Variants in ATF2 observed in about 807,000 individuals in gnomAD.
ATF2 encodes the protein activating transcription factor 2, also known as cyclic AMP-dependent transcription factor ATF-2.
In ATF2, 24 loss-of-function variants were observed where a neutral mutation model predicts 60.6. The ratio of observed to expected loss-of-function variants is 0.40; its 90% CI spans 0.29 to 0.56. ATF2 has a LOEUF of 0.56. Among genes scored for constraint, ATF2 ranks in the 20% least tolerant of loss-of-function variants. ATF2 has a pLI of 0.54. For missense variants in ATF2, 433 were observed against 607.7 expected (o/e 0.71, Z 3.02); for synonymous variants, 206 against 215.4 (o/e 0.96, Z 0.38).
intron 1 of ATF2, among the ~76,000 whole-genome samples, chr2:175,153,897 T>C (rs1369312650): frequency 6.7e-6 from 1 of 149,596 alleles, no homozygotes; most frequent in African/African-American, 2.4e-5. Flanking sequence ...AATATTTTCA[T>C]CCTTATTCTA....
rs1407246502 is a variant in ATF2, at chr2:175,072,798, T to A, written c.*1811A>T. On this transcript the variant is annotated 3_prime_UTR_variant, in exon 14 of 14. Transcript: ENST00000264110. ...TTAAAAATTAAAAATTTAAAAAAAA[T>A]TATCAAATAAAAATGCTCTCATTTT... 2 of 152,072 alleles carry A rather than the reference T, an allele frequency of 1.3e-5. No individual in the cohort carries two copies. The highest frequency in any genetic ancestry group is 2.4e-5 in the African/African-American group (1 of 41,426). 9.4% of individuals were successfully genotyped at this position (152,072 alleles called of 1,614,324 possible).
Position 175,118,251 on chromosome 2 carries a change from T to C in ATF2, c.318A>G (p.Lys106=). The stretch of plus-strand genomic sequence containing the variant: ...TTTAAATTTCATGGTTACAACATAC[T>C]TTTTTAATGTCATCTTCTGAAGCTT... ...FKKASEDDIK[K]MPLDLSPLAT... is the part of the protein sequence containing the mutation. The change falls in exon 6 of 14, where the codon AAA becomes AAG. Residue 106 remains lysine (K), a splice_region_variant and synonymous_variant. Coordinates refer to ENST00000264110, the MANE Select transcript of ATF2 (RefSeq NM_001880.4). 1 of 1,604,854 alleles carries C rather than the reference T, an allele frequency of 6.2e-7. No homozygotes were observed. Among genetic ancestry groups the C allele is most frequent in the African/African-American group, 1.3e-5 (1 of 74,458 alleles).
chr2:175,167,680 C>A (rs182717619), intron 1 of ATF2: 99 of 505,378 alleles, frequency 2.0e-4, no homozygotes, highest in Middle Eastern at 9.6e-4. Flanking sequence ...ACTCGACGCG[C>A]GCCCCGAGGA....
At chr2:175,077,407 C>A (rs1223718539) in intron 13 of ATF2, among the ~76,000 whole-genome samples, 1 of 152,162 alleles carries the variant, frequency 6.6e-6, no homozygotes, top group Non-Finnish European at 1.5e-5. Context: ...AGTTTACAGT[C>A]CCACCAACAG....
intron 8 of ATF2, 139 bp from the exon 9 acceptor site, chr2:175,114,247 T>C: frequency 7.1e-7 from 1 of 1,400,048 alleles, no homozygotes; most frequent in Non-Finnish European, 9.2e-7. Flanking sequence ...AATAGCAAAA[T>C]TTAATTATTT....
At chr2:175,111,297 G>C (rs1346560543) in intron 10 of ATF2, among the ~76,000 whole-genome samples, 1 of 152,052 alleles carries the variant, frequency 6.6e-6, no homozygotes, top group Non-Finnish European at 1.5e-5. Flanking sequence ...TTTTCCACTA[G>C]GAGGAGAAAA....
At chr2:175,074,884 T>C in intron 13 of ATF2, 49 bp from the exon 14 acceptor site, 2 of 1,602,532 alleles carry the variant, frequency 1.2e-6, no homozygotes, top group East Asian at 2.2e-5. Flanking sequence ...TCGGTAAGAA[T>C]GCACCAGTAT....
At chr2:175,156,306 G>A (rs1489691855) in intron 1 of ATF2, among the ~76,000 whole-genome samples, 1 of 149,680 alleles carries the variant, frequency 6.7e-6, no homozygotes, top group Non-Finnish European at 1.5e-5. Flanking sequence ...GGGAGGCGGA[G>A]GTTGCAGTGA....
intron 11 of ATF2, among the ~76,000 whole-genome samples, chr2:175,094,426 A>AAAAAAAAAAAAAAAAAG (rs1559059455): frequency 4.9e-5 from 7 of 143,978 alleles, no homozygotes; most frequent in African/African-American, 1.9e-4. Flanking sequence ...AAAAAAAAAA[A>AAAAAAAAAAAAAAAAAG]AAAGAAAGAA....
chr2:175,137,588 TG>T (rs1698226895), intron 2 of ATF2, among the ~76,000 whole-genome samples: 1 of 152,098 alleles, frequency 6.6e-6, no homozygotes, highest in African/African-American at 2.4e-5. Flanking sequence ...AAGAGGAATA[TG>T]GAAGTACAAT....
Position 175,074,114 on chromosome 2 carries a change from T to G in ATF2, c.*495A>C, listed in dbSNP as rs1400272388. 6.6e-6 allele frequency: 1 copy of G among 152,386 alleles called. No homozygotes were observed. The highest frequency in any genetic ancestry group is 1.5e-5 in the Non-Finnish European group (1 of 68,194). 9.4% of individuals were successfully genotyped at this position (152,386 alleles called of 1,614,324 possible). ...ATGTGCAAAATAAAAGGCAAAAAGA[T>G]TAAAAGCAAATTTCTATCTTTCTCT... On this transcript the variant is annotated 3_prime_UTR_variant, in exon 14 of 14. Transcript: ENST00000264110.
intron 12 of ATF2, among the ~76,000 whole-genome samples, chr2:175,085,919 A>C (rs1228205899): frequency 6.6e-6 from 1 of 152,182 alleles, no homozygotes. Flanking sequence ...TTTATTTTTT[A>C]ATTTGTTACT....
chr2:175,115,001 A>G (rs1347783525), intron 7 of ATF2, 133 bp from the exon 8 acceptor site: 3 of 727,538 alleles, frequency 4.1e-6, no homozygotes, highest in Non-Finnish European at 6.0e-6. Flanking sequence ...ATCTCAAATT[A>G]ATTAAAAGAA....
rs936548543 is a variant in ATF2, at chr2:175,114,937, G to A, written c.448-69C>T. ...AATCATGTACCTTAGTGAACAGAATGTAACACACTTCTAAAAGCATCTACA... is the reference window on the plus strand; with the variant it reads ...AATCATGTACCTTAGTGAACAGAATATAACACACTTCTAAAAGCATCTACA... On this transcript the variant is annotated intron_variant, in intron 7 of 13. Coordinates refer to ENST00000264110, the MANE Select transcript of ATF2 (RefSeq NM_001880.4). 6.9e-6 allele frequency: 10 copies of A among 1,453,352 alleles called. No homozygotes were observed. In the Admixed American group the frequency reaches 1.6e-4, roughly 23 times the overall value. The allele number at this position is 1,453,352 out of a possible 1,614,324, so 90.0% of individuals were successfully genotyped here. A position where few individuals can be genotyped will look rare whatever the true frequency, so the allele number is the denominator to read the frequency against.
intron 12 of ATF2, among the ~76,000 whole-genome samples, chr2:175,085,422 C>G (rs148726984): frequency 6.6e-6 from 1 of 151,952 alleles, no homozygotes; most frequent in Non-Finnish European, 1.5e-5. Context: ...GTAATCCCAG[C>G]GACTTGGAAG....
intron 1 of ATF2, among the ~76,000 whole-genome samples, chr2:175,161,774 T>C (rs916317765): frequency 5.3e-5 from 8 of 152,086 alleles, no homozygotes; most frequent in African/African-American, 1.9e-4. Context: ...TTTTTTTTTT[T>C]TTTTGAGACA....
In ATF2 at chr2:175,073,453, T is replaced by C. The variant is rs970389598; in HGVS notation, c.*1156A>G. ...AGCAAAGATTGCTGGCATAAACTAT[T>C]AAAAGACACACACACACGCGCACAC... On this transcript the variant is annotated 3_prime_UTR_variant, in exon 14 of 14. Coordinates refer to ENST00000264110, the MANE Select transcript of ATF2 (RefSeq NM_001880.4). 2 of 151,914 alleles carry C rather than the reference T, an allele frequency of 1.3e-5. No individual in the cohort carries two copies. Among genetic ancestry groups the C allele is most frequent in the Non-Finnish European group, 2.9e-5 (2 of 67,912 alleles). The allele number at this position is 151,914 out of a possible 1,614,324, so 9.4% of individuals were successfully genotyped here.
chr2:175,100,788 T>C (rs558860389), intron 10 of ATF2, among the ~76,000 whole-genome samples: 14 of 152,318 alleles, frequency 9.2e-5, no homozygotes, highest in Admixed American at 9.2e-4. Context: ...CTTTTAAAAC[T>C]TCTAAGTTGC....
intron 13 of ATF2, among the ~76,000 whole-genome samples, chr2:175,076,636 TATAATCATTAC>T (rs1693319086): frequency 6.6e-6 from 1 of 151,964 alleles, no homozygotes; most frequent in Non-Finnish European, 1.5e-5. Context: ...AAATAGCCAA[TATAATCATTAC>T]ATAATCATTA....
Sources: allele counts gnomAD v4.1 joint callset (sites outside exome capture counted in the v4.1 genomes callset), GRCh38; gene constraint gnomAD v4.1.1; transcripts MANE v1.5; gene names NCBI Gene and HGNC (gene_info 2026-07-23, HGNC 2026-07-21).